The following RABGAP1L variants were observed in gnomAD, a reference collection of about 807,000 sequenced individuals.
RABGAP1L encodes the protein RAB GTPase activating protein 1 like, also known as rab GTPase-activating protein 1-like.
RABGAP1L carries 63 observed loss-of-function variants against 137.7 expected under a neutral mutation model. That is an observed-to-expected ratio of 0.46 (90% CI 0.37 to 0.56). The LOEUF is 0.56. RABGAP1L is among the 20% of genes least tolerant of loss of function. RABGAP1L has a pLI of 0.00. For synonymous variants in RABGAP1L, 431 were observed against 433.7 expected, an observed-to-expected ratio of 0.99 and a Z score of 0.08; for missense variants, 1,095 against 1,244.0, an observed-to-expected ratio of 0.88 and a Z score of 1.80.
chr1:174,840,915 G>A (rs957266152), intron 19 of RABGAP1L, among the ~76,000 whole-genome samples: 21 of 151,050 alleles, frequency 1.4e-4, no homozygotes, highest in Non-Finnish European at 2.5e-4. Context: ...AAAGAAAAAA[G>A]TAGAGATTAT....
chr1:174,689,131 C>T (rs1216141913), intron 15 of RABGAP1L, among the ~76,000 whole-genome samples: 2 of 151,864 alleles, frequency 1.3e-5, no homozygotes, highest in Non-Finnish European at 2.9e-5. Flanking sequence ...GTACATTTAA[C>T]TTTTATACAT....
intron 11 of RABGAP1L, among the ~76,000 whole-genome samples, chr1:174,360,297 A>G (rs566766368): frequency 7.2e-5 from 11 of 152,264 alleles, no homozygotes; most frequent in African/African-American, 2.4e-4. Context: ...AGATTAGAAT[A>G]TTTCAGAAAT....
intron 1 of RABGAP1L, among the ~76,000 whole-genome samples, chr1:174,167,067 G>A (rs1004858879): frequency 6.6e-6 from 1 of 152,190 alleles, no homozygotes; most frequent in Non-Finnish European, 1.5e-5. Context: ...TTTAGAAGGT[G>A]TCAGCAGTTT....
chr1:174,891,646 C>T (rs1476781577), intron 19 of RABGAP1L, among the ~76,000 whole-genome samples: 4 of 152,062 alleles, frequency 2.6e-5, no homozygotes, highest in African/African-American at 9.7e-5. Flanking sequence ...GTACTACAGG[C>T]ACATGCCACC....
chr1:174,574,666 GTTA>G (rs763720437), intron 13 of RABGAP1L, among the ~76,000 whole-genome samples: 1 of 152,088 alleles, frequency 6.6e-6, no homozygotes, highest in Non-Finnish European at 1.5e-5. Flanking sequence ...GTATTATGTA[GTTA>G]TTATTATGCA....
intron 18 of RABGAP1L, among the ~76,000 whole-genome samples, chr1:174,791,001 G>C (rs1033050362): frequency 2.0e-5 from 3 of 151,804 alleles, no homozygotes; most frequent in Non-Finnish European, 4.4e-5. Flanking sequence ...GACCAGCCTG[G>C]CCAACATGGT....
rs181431795 is a variant in RABGAP1L, at chr1:174,476,210, A to G, written c.1710+82065A>G. The stretch of plus-strand genomic sequence containing the variant: ...TTCTAACCTTTAGCATTCTGAGTTT[A>G]AATGTAAAACTATCAAATGCTCTGA... On this transcript the variant is annotated intron_variant, in intron 13 of 25. Coordinates refer to ENST00000681986, the MANE Select transcript of RABGAP1L (RefSeq NM_001366446.1). 9.8e-5 allele frequency among the ~76,000 whole-genome samples: 15 copies of G among 152,326 alleles called. No individual in the cohort carries two copies. In the East Asian group the frequency reaches 2.5e-3, roughly 25 times the overall value.
chr1:174,981,461 T>G (rs2149386316), intron 23 of RABGAP1L, among the ~76,000 whole-genome samples: 1 of 152,256 alleles, frequency 6.6e-6, no homozygotes, highest in African/African-American at 2.4e-5. Context: ...GGTGGGATTT[T>G]TTAAATGTCT....
chr1:174,851,068 C>A (rs1648237937), intron 19 of RABGAP1L, among the ~76,000 whole-genome samples: 1 of 152,182 alleles, frequency 6.6e-6, no homozygotes, highest in African/African-American at 2.4e-5. Flanking sequence ...AGATGAGAGT[C>A]CAGCCCAACA....
At chr1:174,173,170 G>A (rs146541175) in intron 1 of RABGAP1L, among the ~76,000 whole-genome samples, 3 of 148,034 alleles carry the variant, frequency 2.0e-5, no homozygotes, top group East Asian at 2.0e-4. Context: ...CACTCTTGTT[G>A]CCCAGGCTGG....
intron 13 of RABGAP1L, among the ~76,000 whole-genome samples, chr1:174,551,092 G>T (rs540030164): frequency 6.9e-6 from 1 of 144,518 alleles, no homozygotes; most frequent in Non-Finnish European, 1.5e-5. Context: ...GCATGTAGTC[G>T]CAGCTACTCG....
At chr1:174,970,105 G>GT (rs1223134353) in intron 21 of RABGAP1L, among the ~76,000 whole-genome samples, 1 of 152,166 alleles carries the variant, frequency 6.6e-6, no homozygotes, top group African/African-American at 2.4e-5. Context: ...CCAGAGAATG[G>GT]TTTTTTAAAA....
At chr1:174,610,140 G>GGTGT (rs1671090342) in intron 13 of RABGAP1L, among the ~76,000 whole-genome samples, 1 of 149,946 alleles carries the variant, frequency 6.7e-6, no homozygotes, top group Non-Finnish European at 1.5e-5. Flanking sequence ...GTGCCATGCT[G>GGTGT]GTGTGCTGCA....
chr1:174,673,502 A>G (rs897422266), intron 14 of RABGAP1L, among the ~76,000 whole-genome samples: 1 of 152,204 alleles, frequency 6.6e-6, no homozygotes, highest in Non-Finnish European at 1.5e-5. Flanking sequence ...ACCTGAGATG[A>G]GCTATTTTCT....
Position 174,699,629 on chromosome 1 carries a change from C to T in RABGAP1L, c.2004C>T (p.Tyr668=). ...TCGAAGATCTTCATTGCAAATTCTA[C>T]CAGTTGGAGAGACTAATGCAGGTAA... ...NNFEDLHCKF[Y]QLERLMQEQL... Residue 668 remains tyrosine (Y), a synonymous_variant, in exon 16 of 26, where the codon TAC becomes TAT. Transcript: ENST00000681986. 1.2e-6 allele frequency: 2 copies of T among 1,607,730 alleles called. No homozygotes were observed. Among genetic ancestry groups the T allele is most frequent in the Non-Finnish European group, 1.7e-6 (2 of 1,174,436 alleles).
chr1:174,440,613 G>A (rs1423344312), intron 13 of RABGAP1L, among the ~76,000 whole-genome samples: 1 of 152,092 alleles, frequency 6.6e-6, no homozygotes, highest in Admixed American at 6.6e-5. Flanking sequence ...TCACTCTGTT[G>A]CTCAGGCTGG....
intron 13 of RABGAP1L, among the ~76,000 whole-genome samples, chr1:174,408,106 G>A (rs1439058174): frequency 6.6e-6 from 1 of 152,158 alleles, no homozygotes; most frequent in Non-Finnish European, 1.5e-5. Flanking sequence ...GGGTACATAT[G>A]CAGGTTTGTT....
intron 5 of RABGAP1L, among the ~76,000 whole-genome samples, chr1:174,249,652 T>G (rs1672557831): frequency 6.9e-6 from 1 of 144,072 alleles, no homozygotes; most frequent in South Asian, 2.1e-4. Flanking sequence ...CTTTCTTTCT[T>G]TTTTTTTTTT....
intron 24 of RABGAP1L, among the ~76,000 whole-genome samples, chr1:174,986,151 T>C (rs946792080): frequency 9.9e-5 from 15 of 152,210 alleles, no homozygotes; most frequent in Admixed American, 9.8e-4. Context: ...GGTTTCACCA[T>C]GTTGGCCAGG....
Sources: gnomAD v4.1 joint callset for allele counts (sites outside exome capture counted in the v4.1 genomes callset) on GRCh38, gnomAD v4.1.1 for gene constraint, MANE v1.5 for transcripts, NCBI Gene and HGNC (gene_info 2026-07-23, HGNC 2026-07-21) for gene names.